The following LYN variants were observed in gnomAD, a reference collection of about 807,000 sequenced individuals.
LYN encodes tyrosine-protein kinase Lyn.
A neutral mutation model predicts 65.0 loss-of-function variants in LYN; 12 were observed. The observed-to-expected ratio is 0.18, with a 90% confidence interval of 0.12 to 0.30. LYN has a LOEUF of 0.30. Ranked by LOEUF, LYN falls within the 10% of genes least tolerant of loss-of-function variation. The probability of loss-of-function intolerance (pLI) is 1.00; values close to 1 mark genes in which losing one functional copy is unlikely to be tolerated. For synonymous variants in LYN, 222 were observed against 221.2 expected, an observed-to-expected ratio of 1.00 and a Z score of -0.03; for missense variants, 380 against 623.2, an observed-to-expected ratio of 0.61 and a Z score of 4.16.
chr8:55,894,347 A>C (rs1027533871), intron 1 of LYN, among the ~76,000 whole-genome samples: 42 of 149,816 alleles, frequency 2.8e-4, no homozygotes, highest in Middle Eastern at 3.4e-3. Flanking sequence ...CTAGAGGTGC[A>C]TGCCACTGTG....
At chr8:55,991,040 A>T (rs1411641822) in intron 10 of LYN, among the ~76,000 whole-genome samples, 1 of 152,302 alleles carries the variant, frequency 6.6e-6, no homozygotes, top group African/African-American at 2.4e-5. Context: ...ACCAACAAAT[A>T]GAGACACGCC....
intron 1 of LYN, among the ~76,000 whole-genome samples, chr8:55,932,787 A>G (rs1806307071): frequency 6.6e-6 from 1 of 152,240 alleles, no homozygotes; most frequent in Non-Finnish European, 1.5e-5. Flanking sequence ...CTACACAGCC[A>G]TAAAAAATGA....
intron 10 of LYN, among the ~76,000 whole-genome samples, chr8:55,975,188 C>G (rs1033801591): frequency 9.2e-5 from 14 of 152,206 alleles, no homozygotes; most frequent in African/African-American, 3.4e-4. Context: ...GGAGCTGATG[C>G]TTGGAAACCT....
intron 8 of LYN, among the ~76,000 whole-genome samples, chr8:55,963,105 A>G (rs141306138): frequency 9.2e-5 from 14 of 152,326 alleles, no homozygotes; most frequent in Middle Eastern, 3.4e-3. Context: ...TGAGATTTGG[A>G]GAGGACAAAC....
At chr8:56,004,563 G>A (rs932438954) in intron 12 of LYN, among the ~76,000 whole-genome samples, 4 of 151,980 alleles carry the variant, frequency 2.6e-5, no homozygotes, top group Admixed American at 2.6e-4. Flanking sequence ...CAAAGTGCAG[G>A]GATTACAGGC....
rs1327427054 is a variant in LYN, at chr8:55,969,743, G to A, written c.1000G>A (p.Asp334Asn). The A allele has an allele frequency of 2.5e-6, 4 of 1,614,112 alleles. No individual in the cohort carries two copies. The highest frequency in any genetic ancestry group is 2.5e-6 in the Non-Finnish European group (3 of 1,179,964). ...KGSLLDFLKS[D>N]EGGKVLLPKL... ...CAGTTTGCTGGATTTCCTGAAGAGC[G>A]ATGAAGGTGGCAAAGTGCTGCTTCC... Residue 334 changes from aspartate (D) to asparagine (N), a missense_variant, in exon 10 of 13, where the codon GAT becomes AAT. Transcript: ENST00000519728.
chr8:55,974,179 G>C (rs1332099421), intron 10 of LYN, among the ~76,000 whole-genome samples: 8 of 152,168 alleles, frequency 5.3e-5, no homozygotes, highest in Non-Finnish European at 1.2e-4. Flanking sequence ...TCTGACTCAA[G>C]ATAACTGATT....
intron 10 of LYN, among the ~76,000 whole-genome samples, chr8:55,973,659 G>A (rs981395272): frequency 6.6e-6 from 1 of 152,232 alleles, no homozygotes; most frequent in Non-Finnish European, 1.5e-5. Flanking sequence ...AGTTTGGAGA[G>A]CAAATAAATC....
At chr8:55,942,927 C>T (rs1563521586) in intron 2 of LYN, among the ~76,000 whole-genome samples, 1 of 152,038 alleles carries the variant, frequency 6.6e-6, no homozygotes, top group Non-Finnish European at 1.5e-5. Flanking sequence ...GTCATTTCTT[C>T]AATTAATTCA....
At chr8:56,008,044 G>A (rs1808717411) in intron 12 of LYN, among the ~76,000 whole-genome samples, 2 of 151,582 alleles carry the variant, frequency 1.3e-5, no homozygotes, top group Non-Finnish European at 1.5e-5. Context: ...GCTTGAACCT[G>A]GGAGGCGGAG....
intron 9 of LYN, 124 bp from the exon 10 acceptor site, chr8:55,969,593 A>T: frequency 1.3e-5 from 10 of 767,242 alleles, no homozygotes; most frequent in Non-Finnish European, 2.3e-5. Flanking sequence ...ATATAACCAT[A>T]CAGAATTGCA....
chr8:55,976,344 A>AG (rs1491090586), intron 10 of LYN, among the ~76,000 whole-genome samples: 2 of 147,760 alleles, frequency 1.4e-5, no homozygotes, highest in East Asian at 4.0e-4. Flanking sequence ...AAAAAAAAAA[A>AG]GAAGGAAGGA....
At chr8:55,919,714 C>T (rs892682566) in intron 1 of LYN, among the ~76,000 whole-genome samples, 19 of 152,216 alleles carry the variant, frequency 1.2e-4, no homozygotes, top group Admixed American at 1.3e-4. Flanking sequence ...AAGTCCCTTC[C>T]CTTCTCAGCG....
chr8:56,012,224 C>T lies in LYN; in HGVS notation c.*2114C>T, dbSNP rs1808839682. On this transcript the variant is annotated 3_prime_UTR_variant, in exon 13 of 13. Transcript: ENST00000519728. ...AGTCTCCTTACTTAGCTATAGGTTT[C>T]CAGCCTCCCTGTGACAGACAGGCAT... is the stretch of plus-strand genomic sequence containing the variant. 1 of 181,810 alleles carries T rather than the reference C, an allele frequency of 5.5e-6. No homozygotes were observed. Among genetic ancestry groups the T allele is most frequent in the Non-Finnish European group, 1.2e-5 (1 of 85,192 alleles). The allele number at this position is 181,810 out of a possible 1,614,324, so 11.3% of individuals were successfully genotyped here. A position where few individuals can be genotyped will look rare whatever the true frequency, so the allele number is the denominator to read the frequency against.
At chr8:55,895,241 TGAGAATGGAGGGAA>T (rs1805061617) in intron 1 of LYN, among the ~76,000 whole-genome samples, 1 of 152,096 alleles carries the variant, frequency 6.6e-6, no homozygotes, top group South Asian at 2.1e-4. Context: ...GAGTGAATCC[TGAGAATGGAGGGAA>T]TATTGGACTA....
intron 1 of LYN, among the ~76,000 whole-genome samples, chr8:55,924,905 G>A (rs192676586): frequency 1.7e-4 from 25 of 150,162 alleles, no homozygotes; most frequent in African/African-American, 3.2e-4. Context: ...GCGGTGGTGC[G>A]ATCGTGGCTC....
chr8:55,972,976 C>T (rs1161406136), intron 10 of LYN, among the ~76,000 whole-genome samples: 1 of 152,150 alleles, frequency 6.6e-6, no homozygotes, highest in East Asian at 1.9e-4. Context: ...TGAATGTTCA[C>T]AAGGGGTGGT....
At chr8:55,914,664 T>C (rs1805735637) in intron 1 of LYN, among the ~76,000 whole-genome samples, 1 of 152,206 alleles carries the variant, frequency 6.6e-6, no homozygotes, top group South Asian at 2.1e-4. Flanking sequence ...GTGGTGATTA[T>C]GTTCCTTCTA....
intron 1 of LYN, among the ~76,000 whole-genome samples, chr8:55,919,571 A>G (rs908426792): frequency 6.6e-6 from 1 of 152,166 alleles, no homozygotes; most frequent in Non-Finnish European, 1.5e-5. Context: ...GGTCTTAACT[A>G]TTAGGCAAAT....
Sources: gnomAD v4.1 joint callset for allele counts (sites outside exome capture counted in the v4.1 genomes callset) on GRCh38, gnomAD v4.1.1 for gene constraint, MANE v1.5 for transcripts, NCBI Gene and HGNC (gene_info 2026-07-23, HGNC 2026-07-21) for gene names.